Variants in SRGAP3 observed in about 807,000 individuals in gnomAD.
The protein encoded by SRGAP3 is SLIT-ROBO Rho GTPase-activating protein 3.
In SRGAP3, 39 loss-of-function variants were observed where a neutral mutation model predicts 121.1. That is an observed-to-expected ratio of 0.32 (90% CI 0.25 to 0.42). The LOEUF (loss-of-function observed/expected upper bound fraction) is 0.42, where lower values mean the gene tolerates loss of function less well. Ranked by LOEUF, SRGAP3 falls within the 10% of genes least tolerant of loss-of-function variation. SRGAP3 has a pLI of 1.00. For missense variants in SRGAP3, 1,213 were observed against 1,470.6 expected (o/e 0.82, Z 2.86); for synonymous variants, 601 against 570.0 (o/e 1.05, Z -0.77).
intron 3 of SRGAP3, among the ~76,000 whole-genome samples, chr3:9,280,639 T>C (rs973403480): frequency 6.6e-6 from 1 of 152,240 alleles, no homozygotes; most frequent in Non-Finnish European, 1.5e-5. Context: ...AACCCCTTTT[T>C]TCAAGGCCAC....
intron 14 of SRGAP3, among the ~76,000 whole-genome samples, chr3:9,020,208 A>AT (rs965654055): frequency 3.9e-5 from 6 of 151,924 alleles, no homozygotes; most frequent in Admixed American, 1.3e-4. Context: ...TCTACCTGTG[A>AT]TTTTTTGATC....
chr3:9,028,392 T>C (rs1944315968), intron 12 of SRGAP3, among the ~76,000 whole-genome samples: 1 of 152,134 alleles, frequency 6.6e-6, no homozygotes. Context: ...AGACACCAGC[T>C]GACATGGGGG....
chr3:9,021,733 T>C (rs1943932822), intron 14 of SRGAP3, among the ~76,000 whole-genome samples: 1 of 152,066 alleles, frequency 6.6e-6, no homozygotes, highest in African/African-American at 2.4e-5. Flanking sequence ...AAGACCCAAA[T>C]CCCTTTTAAC....
intron 1 of SRGAP3, among the ~76,000 whole-genome samples, chr3:9,167,221 T>A (rs1950819250): frequency 6.6e-6 from 1 of 152,106 alleles, no homozygotes; most frequent in Non-Finnish European, 1.5e-5. Flanking sequence ...TCAGCCTCCA[T>A]CCTACCTGCC....
At chr3:8,995,775 G>A (rs1015112210) in intron 18 of SRGAP3, among the ~76,000 whole-genome samples, 1 of 152,172 alleles carries the variant, frequency 6.6e-6, no homozygotes, top group African/African-American at 2.4e-5. Flanking sequence ...TCCATATGTG[G>A]TAGAAAACTG....
intron 2 of SRGAP3, among the ~76,000 whole-genome samples, chr3:9,106,020 T>C (rs1310566641): frequency 1.3e-5 from 2 of 152,208 alleles, no homozygotes; most frequent in Non-Finnish European, 2.9e-5. Context: ...CAGAATGGTT[T>C]TATGTGTACT....
intron 1 of SRGAP3, among the ~76,000 whole-genome samples, chr3:9,347,244 CA>C (rs1955907410): frequency 1.3e-5 from 2 of 152,194 alleles, no homozygotes; most frequent in Admixed American, 1.3e-4. Flanking sequence ...TGGCTCACTG[CA>C]ACCTCAATCT....
chr3:9,094,860 A>G (rs1399460912), intron 3 of SRGAP3, among the ~76,000 whole-genome samples: 2 of 151,892 alleles, frequency 1.3e-5, no homozygotes, highest in Non-Finnish European at 2.9e-5. Context: ...GGCTCAGGAG[A>G]TCCTCCCACC....
At chr3:9,286,637 C>G (rs1297723390) in intron 3 of SRGAP3, among the ~76,000 whole-genome samples, 1 of 152,124 alleles carries the variant, frequency 6.6e-6, no homozygotes, top group Non-Finnish European at 1.5e-5. Context: ...GAGTCTCGCT[C>G]TGTCGCCCAG....
At chr3:9,143,654 C>T (rs1308216672) in intron 1 of SRGAP3, among the ~76,000 whole-genome samples, 1 of 152,114 alleles carries the variant, frequency 6.6e-6, no homozygotes, top group Non-Finnish European at 1.5e-5. Flanking sequence ...GGTTGGGGTG[C>T]ACTGTCAAAA....
chr3:9,126,663 A>C (rs1949246111), intron 1 of SRGAP3, among the ~76,000 whole-genome samples: 1 of 150,682 alleles, frequency 6.6e-6, no homozygotes, highest in Admixed American at 6.6e-5. Context: ...ATAAATAAAT[A>C]AATAATGTAA....
At chr3:9,072,899 C>A (rs1345337518) in intron 4 of SRGAP3, among the ~76,000 whole-genome samples, 1 of 152,124 alleles carries the variant, frequency 6.6e-6, no homozygotes, top group Admixed American at 6.5e-5. Flanking sequence ...CTGTACTGTT[C>A]TTCACCCCTT....
At chr3:9,003,002 A>G (rs1405154478) in intron 18 of SRGAP3, among the ~76,000 whole-genome samples, 1 of 152,178 alleles carries the variant, frequency 6.6e-6, no homozygotes, top group Non-Finnish European at 1.5e-5. Context: ...TCTACCAAAC[A>G]TTTAAAAAAG....
At chr3:9,058,154 A>C in intron 7 of SRGAP3, 97 bp downstream of exon 7, 1 of 1,343,158 alleles carries the variant, frequency 7.4e-7, no homozygotes. Context: ...GGCGTCGGAT[A>C]GAAACTTTCT....
intron 1 of SRGAP3, among the ~76,000 whole-genome samples, chr3:9,197,400 G>T (rs1189649803): frequency 6.6e-6 from 1 of 152,186 alleles, no homozygotes; most frequent in Non-Finnish European, 1.5e-5. Context: ...AAATGGCTGT[G>T]GATCTCCAGC....
At position 9,283,571 on chromosome 3, in the gene SRGAP3, A is replaced by G. The variant is rs567056053; in HGVS notation, n.442+42439T>C. ...ATTTTCATTTGAAAGCTTGAATGGG[A>G]TCTTTGGTAACAAATACTGTCAGTT... On this transcript the variant is annotated intron_variant and non_coding_transcript_variant, in intron 3 of 3. Transcript: ENST00000490889. Among the ~76,000 whole-genome samples, 23 of 152,276 alleles carry G rather than the reference A, an allele frequency of 1.5e-4. 1 individual carries two copies. The highest frequency in any genetic ancestry group is 5.1e-4 in the African/African-American group (21 of 41,562).
intron 6 of SRGAP3, 187 bp from the exon 7 acceptor site, chr3:9,058,659 G>A: frequency 1.8e-6 from 1 of 568,830 alleles, no homozygotes; most frequent in Non-Finnish European, 3.2e-6. Flanking sequence ...AGTTGCGGTT[G>A]AGATTTGGGC....
At chr3:9,333,305 C>T (rs145815989) in intron 1 of SRGAP3, among the ~76,000 whole-genome samples, 130 of 152,274 alleles carry the variant, frequency 8.5e-4, no homozygotes, top group African/African-American at 2.9e-3. Flanking sequence ...AAGTATCTCA[C>T]AGGAAAAATA....
At chr3:9,357,344 T>C (rs1484211426) in intron 1 of SRGAP3, among the ~76,000 whole-genome samples, 2 of 152,116 alleles carry the variant, frequency 1.3e-5, no homozygotes, top group Non-Finnish European at 2.9e-5. Flanking sequence ...AATGAAATCA[T>C]GTAGGTATTT....
Sources: allele counts gnomAD v4.1 joint callset (sites outside exome capture counted in the v4.1 genomes callset), GRCh38; gene constraint gnomAD v4.1.1; transcripts MANE v1.5; gene names NCBI Gene and HGNC (gene_info 2026-07-23, HGNC 2026-07-21).